Variants in PACSIN2 observed in about 807,000 individuals in gnomAD.
PACSIN2 encodes the protein protein kinase C and casein kinase substrate in neurons protein 2.
In PACSIN2, 25 loss-of-function variants were observed where a neutral mutation model predicts 63.8. That is an observed-to-expected ratio of 0.39 (90% CI 0.29 to 0.55). The LOEUF (loss-of-function observed/expected upper bound fraction) is 0.55. Among genes scored for constraint, PACSIN2 ranks in the 20% least tolerant of loss-of-function variants. The pLI, the probability that PACSIN2 is intolerant of heterozygous loss-of-function variation, is 0.62. For synonymous variants in PACSIN2, 255 were observed against 256.2 expected (o/e 1.00, Z 0.05); for missense variants, 518 against 646.9 (o/e 0.80, Z 2.16).
intron 2 of PACSIN2, among the ~76,000 whole-genome samples, chr22:42,899,749 G>A (rs1930543053): frequency 6.6e-6 from 1 of 152,198 alleles, no homozygotes; most frequent in African/African-American, 2.4e-5. Context: ...CCTCTCCCTG[G>A]GGAATGCACA....
intron 1 of PACSIN2, among the ~76,000 whole-genome samples, chr22:42,944,455 GT>G (rs1933317318): frequency 6.6e-6 from 1 of 152,126 alleles, no homozygotes; most frequent in South Asian, 2.1e-4. Flanking sequence ...AAACAGAAAT[GT>G]ACTCTAACAT....
intron 1 of PACSIN2, among the ~76,000 whole-genome samples, chr22:43,013,052 C>G (rs4822250): frequency 6.6e-6 from 1 of 151,888 alleles, no homozygotes; most frequent in Non-Finnish European, 1.5e-5. Context: ...TCGGCCTTCC[C>G]AAGTGCTGGG....
intron 1 of PACSIN2, among the ~76,000 whole-genome samples, chr22:42,921,481 C>T (rs1338663261): frequency 1.3e-5 from 2 of 152,164 alleles, no homozygotes; most frequent in Non-Finnish European, 2.9e-5. Context: ...TGGCCACTCT[C>T]CCATTTAGGG....
chr22:42,962,639 C>G (rs1239134638), intron 1 of PACSIN2, among the ~76,000 whole-genome samples: 1 of 152,136 alleles, frequency 6.6e-6, no homozygotes, highest in Middle Eastern at 3.4e-3. Context: ...GGAAGGCCAG[C>G]CCAGCAGCCA....
At chr22:42,974,618 G>A (rs185500458) in intron 1 of PACSIN2, among the ~76,000 whole-genome samples, 6 of 152,052 alleles carry the variant, frequency 3.9e-5, no homozygotes, top group Non-Finnish European at 8.8e-5. Flanking sequence ...GCATGGTGGT[G>A]TGTGCCTGTA....
chr22:43,000,623 C>T (rs564813906), intron 1 of PACSIN2, among the ~76,000 whole-genome samples: 1 of 152,178 alleles, frequency 6.6e-6, no homozygotes, highest in South Asian at 2.1e-4. Context: ...ACCCAAAAAA[C>T]TTTAAGGAAG....
intron 2 of PACSIN2, among the ~76,000 whole-genome samples, chr22:42,907,557 C>T (rs1931162606): frequency 6.6e-6 from 1 of 152,258 alleles, no homozygotes; most frequent in Non-Finnish European, 1.5e-5. Flanking sequence ...AGTGCTCCTG[C>T]AAGGCTGACA....
intron 4 of PACSIN2, among the ~76,000 whole-genome samples, chr22:42,890,535 T>A (rs980808395): frequency 1.3e-5 from 2 of 151,862 alleles, no homozygotes. Flanking sequence ...CTGGCCAACA[T>A]GGTGAAACCC....
At chr22:42,942,068 T>C (rs1216177036) in intron 1 of PACSIN2, among the ~76,000 whole-genome samples, 2 of 151,696 alleles carry the variant, frequency 1.3e-5, no homozygotes, top group Non-Finnish European at 2.9e-5. Flanking sequence ...TGAGCCACTG[T>C]GTCCGGCCTT....
At chr22:42,877,399 C>T (rs1928724694) in intron 8 of PACSIN2, among the ~76,000 whole-genome samples, 1 of 152,134 alleles carries the variant, frequency 6.6e-6, no homozygotes, top group South Asian at 2.1e-4. Context: ...TCAGGGTCTC[C>T]TCTGAGAGTG....
chr22:42,918,367 C>A lies in PACSIN2; in HGVS notation c.-77-6210G>T, dbSNP rs1315282952. On this transcript the variant is annotated intron_variant, in intron 1 of 10. Transcript: ENST00000263246. ...AAGCAAGACTGCTCCACCTGGGAGC[C>A]CAAGCTACAAATTTTCTAGAAGTGG... is the stretch of plus-strand genomic sequence containing the variant. Among the ~76,000 whole-genome samples the A allele has an allele frequency of 2.0e-5, 3 of 152,096 alleles. 1 individual carries two copies. In the East Asian group the frequency reaches 5.8e-4, roughly 29 times the overall value.
At chr22:42,996,145 G>A (rs1923382546) in intron 1 of PACSIN2, among the ~76,000 whole-genome samples, 1 of 151,862 alleles carries the variant, frequency 6.6e-6, no homozygotes, top group Non-Finnish European at 1.5e-5. Context: ...GCTTGAACCT[G>A]GGAAGCGGAG....
chr22:42,888,474 A>G (rs1231574551), intron 5 of PACSIN2, among the ~76,000 whole-genome samples, 169 bp downstream of exon 5: 1 of 152,160 alleles, frequency 6.6e-6, no homozygotes, highest in Non-Finnish European at 1.5e-5. Context: ...TGGTGAGGCG[A>G]GGTGCTAGGG....
At chr22:42,920,345 T>TA (rs1483289705) in intron 1 of PACSIN2, among the ~76,000 whole-genome samples, 1 of 152,162 alleles carries the variant, frequency 6.6e-6, no homozygotes, top group East Asian at 1.9e-4. Context: ...GATTTTGAAA[T>TA]AAACTTTTAG....
intron 1 of PACSIN2, among the ~76,000 whole-genome samples, chr22:42,965,755 G>A (rs1298198382): frequency 1.3e-5 from 2 of 152,322 alleles, no homozygotes; most frequent in African/African-American, 2.4e-5. Flanking sequence ...TGAAAGGCAT[G>A]ACAATGACAG....
At chr22:42,982,113 C>T (rs1290201353) in intron 1 of PACSIN2, among the ~76,000 whole-genome samples, 29 of 129,484 alleles carry the variant, frequency 2.2e-4, no homozygotes, top group African/African-American at 5.8e-4. Context: ...CCGCCCCGTC[C>T]GGGAGGGAGG....
intron 1 of PACSIN2, among the ~76,000 whole-genome samples, chr22:42,977,850 T>C (rs1032625354): frequency 6.6e-6 from 1 of 152,238 alleles, no homozygotes; most frequent in Non-Finnish European, 1.5e-5. Flanking sequence ...TGTAGTTTCC[T>C]GAGGCCTCCT....
chr22:42,892,088 G>A (rs774323566), intron 3 of PACSIN2, among the ~76,000 whole-genome samples: 6 of 152,226 alleles, frequency 3.9e-5, no homozygotes, highest in Non-Finnish European at 7.3e-5. Flanking sequence ...AGTATGGCAG[G>A]AGGGGCTGAG....
intron 1 of PACSIN2, among the ~76,000 whole-genome samples, chr22:42,918,739 C>G (rs1454924387): frequency 6.6e-6 from 1 of 152,216 alleles, no homozygotes; most frequent in Non-Finnish European, 1.5e-5. Flanking sequence ...GTCCCACCAC[C>G]TGCCAGGGAG....
Sources: allele counts gnomAD v4.1 joint callset (sites outside exome capture counted in the v4.1 genomes callset), GRCh38; gene constraint gnomAD v4.1.1; transcripts MANE v1.5; gene names NCBI Gene and HGNC (gene_info 2026-07-23, HGNC 2026-07-21).